Variants in TBC1D8 observed in about 807,000 individuals in gnomAD.
TBC1D8 encodes the protein BUB2-like protein 1.
Under a neutral mutation model 118.8 loss-of-function variants are expected in TBC1D8, and 65 were observed. The observed-to-expected ratio is 0.55, with a 90% CI of 0.45 to 0.67. The LOEUF (loss-of-function observed/expected upper bound fraction) is 0.67, where lower values mean the gene tolerates loss of function less well. TBC1D8 is among the 30% of genes least tolerant of loss of function. The pLI, the probability that TBC1D8 is intolerant of heterozygous loss-of-function variation, is 0.00. For synonymous variants in TBC1D8, 566 were observed against 595.8 expected, an observed-to-expected ratio of 0.95 and a Z score of 0.73; for missense variants, 1,376 against 1,471.2, an observed-to-expected ratio of 0.94 and a Z score of 1.06.
chr2:101,017,084 AAAAAAAG>A (rs1418946391), intron 17 of TBC1D8, among the ~76,000 whole-genome samples: 27 of 101,076 alleles, frequency 2.7e-4, no homozygotes, highest in Non-Finnish European at 3.7e-4. Flanking sequence ...TAAAAAAAAA[AAAAAAAG>A]ACAAACACGC....
intron 2 of TBC1D8, among the ~76,000 whole-genome samples, chr2:101,066,171 C>T (rs768896078): frequency 1.3e-5 from 2 of 152,162 alleles, no homozygotes; most frequent in Non-Finnish European, 2.9e-5. Context: ...GTAGTCCCAG[C>T]TACTCAGGAG....
In TBC1D8 at chr2:101,123,375, G is replaced by T. The variant is rs551660411; in HGVS notation, c.127+27752C>A. On this transcript the variant is annotated intron_variant, in intron 1 of 19. Coordinates refer to ENST00000409318, the MANE Select transcript of TBC1D8 (RefSeq NM_001330348.2). ...TGGCTAGGACTTCCAGCAGTATTCAGCGGTTGTACATAGTGCAAATTAGCA... is the reference window on the plus strand; with the variant it reads ...TGGCTAGGACTTCCAGCAGTATTCATCGGTTGTACATAGTGCAAATTAGCA... Among the ~76,000 whole-genome samples the T allele has an allele frequency of 7.9e-5, 12 of 152,250 alleles. No individual in the cohort carries two copies. The East Asian group carries it at 2.3e-3, about 29-fold the overall frequency.
intron 1 of TBC1D8, among the ~76,000 whole-genome samples, chr2:101,096,282 G>A (rs1374320): frequency 0.15 from 22,799 of 151,676 alleles, 1,840 homozygotes; most frequent in Middle Eastern, 0.24. Context: ...GACACCTGAG[G>A]AATCTGAACA....
At chr2:101,066,285 A>C (rs994935154) in intron 2 of TBC1D8, among the ~76,000 whole-genome samples, 1 of 152,092 alleles carries the variant, frequency 6.6e-6, no homozygotes, top group African/African-American at 2.4e-5. Context: ...GTTCATCTCA[A>C]AAAAATAAAA....
At chr2:101,083,918 T>A (rs1675426891) in intron 2 of TBC1D8, among the ~76,000 whole-genome samples, 1 of 152,134 alleles carries the variant, frequency 6.6e-6, no homozygotes, top group Admixed American at 6.5e-5. Flanking sequence ...GGCCTAAGGA[T>A]CTAAATTGAT....
intron 7 of TBC1D8, 24 bp from the exon 8 acceptor site, chr2:101,037,732 CAG>C (rs373832421): frequency 7.9e-5 from 127 of 1,601,350 alleles, no homozygotes; most frequent in Admixed American, 1.5e-4. Flanking sequence ...GAGACAGAGA[CAG>C]AGAGAGAGAG....
At chr2:101,072,388 A>T (rs1674509614) in intron 2 of TBC1D8, among the ~76,000 whole-genome samples, 1 of 151,978 alleles carries the variant, frequency 6.6e-6, no homozygotes, top group African/African-American at 2.4e-5. Context: ...GAGAGAGAAA[A>T]AGAGAGCACA....
At chr2:101,050,816 C>A (rs1442369948) in intron 4 of TBC1D8, among the ~76,000 whole-genome samples, 175 bp from the exon 5 acceptor site, 1 of 152,158 alleles carries the variant, frequency 6.6e-6, no homozygotes, top group Non-Finnish European at 1.5e-5. Flanking sequence ...TACAGGTAAA[C>A]TCATGTCATG....
At chr2:101,033,854 C>T (rs1680832167) in intron 9 of TBC1D8, 96 bp from the exon 10 acceptor site, 7 of 1,375,260 alleles carry the variant, frequency 5.1e-6, no homozygotes, top group Middle Eastern at 3.7e-4. Context: ...CCAGTGGGGT[C>T]TCGTTACTTA....
chr2:101,108,497 C>T (rs1024694253), intron 1 of TBC1D8, among the ~76,000 whole-genome samples: 7 of 152,188 alleles, frequency 4.6e-5, no homozygotes, highest in Admixed American at 1.3e-4. Context: ...TGATACAGAA[C>T]GCACTGCACT....
chr2:101,146,055 TTTA>T (rs1468148956), intron 1 of TBC1D8, among the ~76,000 whole-genome samples: 5 of 85,984 alleles, frequency 5.8e-5, no homozygotes, highest in Non-Finnish European at 1.2e-4. Flanking sequence ...ATGTATACTG[TTTA>T]TTAATTCTAA....
intron 2 of TBC1D8, among the ~76,000 whole-genome samples, chr2:101,065,770 C>A (rs1682980590): frequency 6.6e-6 from 1 of 152,052 alleles, no homozygotes. Flanking sequence ...TTAATCTCTG[C>A]AACAATAAAA....
chr2:101,049,133 C>T (rs1009204799), intron 5 of TBC1D8, among the ~76,000 whole-genome samples: 5 of 152,166 alleles, frequency 3.3e-5, no homozygotes, highest in Admixed American at 6.5e-5. Context: ...AATGGAATTG[C>T]TGGACACTAG....
In TBC1D8 at chr2:101,151,243, T is replaced by C. The variant is rs928201850; in HGVS notation, c.11A>G (p.Lys4Arg). The change falls in exon 1 of 20, where the codon AAG (lysine) becomes AGG (arginine). Residue 4 changes from lysine (K) to arginine (R), a missense_variant. Lys to Arg is a conservative substitution (Grantham distance 26, BLOSUM62 2). Coordinates refer to ENST00000409318, the MANE Select transcript of TBC1D8 (RefSeq NM_001330348.2). ...GTTCTTCAGCAGCACCTCCTCGGGC[T>C]TGAGCCACATCGCGGCGGTCCGGCC... MWLKPEEVLLKNAL... is the reference protein window; with the variant it reads MWLRPEEVLLKNAL... The C allele has an allele frequency of 1.8e-5, 21 of 1,194,408 alleles. No homozygotes were observed. In the African/African-American group the frequency reaches 2.9e-4, roughly 17 times the overall value. The allele number at this position is 1,194,408 out of a possible 1,614,324, so 74.0% of individuals were successfully genotyped here.
chr2:101,112,066 T>C (rs914388068), intron 1 of TBC1D8, among the ~76,000 whole-genome samples: 13 of 152,138 alleles, frequency 8.5e-5, no homozygotes, highest in African/African-American at 2.2e-4. Flanking sequence ...TGGGTCCACA[T>C]TGCTCACCCC....
chr2:101,008,323 C>A, intron 19 of TBC1D8, 50 bp from the exon 20 acceptor site: 2 of 1,391,700 alleles, frequency 1.4e-6, no homozygotes, highest in Non-Finnish European at 1.9e-6. Flanking sequence ...GTGGAAGTGT[C>A]ATTTTTTTTT....
chr2:101,017,467 T>C (rs1303429369), intron 17 of TBC1D8, among the ~76,000 whole-genome samples: 1 of 152,240 alleles, frequency 6.6e-6, no homozygotes, highest in Non-Finnish European at 1.5e-5. Flanking sequence ...TGTTTTGCTA[T>C]GGTGTTTACA....
chr2:101,107,004 G>T (rs1273384583), intron 1 of TBC1D8, among the ~76,000 whole-genome samples: 1 of 152,186 alleles, frequency 6.6e-6, no homozygotes, highest in African/African-American at 2.4e-5. Flanking sequence ...ATGCATTTTT[G>T]ACGATGATAT....
Position 101,050,488 on chromosome 2 carries a change from A to G in TBC1D8, c.785T>C (p.Leu262Pro). 6.2e-7 allele frequency: 1 copy of G among 1,613,996 alleles called. No homozygotes were observed. Among genetic ancestry groups the G allele is most frequent in the Non-Finnish European group, 8.5e-7 (1 of 1,179,870 alleles). ...LDEVFKVMEQ[L>P]ADVTLRRLLD... The stretch of plus-strand genomic sequence containing the variant: ...CAGCCTTCGCAGCGTCACGTCGGCC[A>G]GCTGCTCCATGACCTTAAACACCTC... Residue 262 changes from leucine to proline, a missense_variant, in exon 5 of 20, where the codon CTG (leucine) becomes CCG (proline). Transcript: ENST00000409318.
Sources: allele counts gnomAD v4.1 joint callset (sites outside exome capture counted in the v4.1 genomes callset), GRCh38; gene constraint gnomAD v4.1.1; transcripts MANE v1.5; gene names NCBI Gene and HGNC (gene_info 2026-07-23, HGNC 2026-07-21).